The following CDC42EP5 variants were observed in gnomAD, a reference collection of about 807,000 sequenced individuals.
The protein encoded by CDC42EP5 is CDC42 effector protein (Rho GTPase binding) 5.
For missense variants in CDC42EP5, 269 were observed against 238.0 expected (o/e 1.13, Z -0.86); for synonymous variants, 118 against 123.3 (o/e 0.96, Z 0.28).
intron 2 of CDC42EP5, among the ~76,000 whole-genome samples, chr19:54,468,935 T>TCCTTCCTTC (rs2084797294): frequency 2.5e-5 from 1 of 39,340 alleles, no homozygotes; most frequent in African/African-American, 9.1e-5. Flanking sequence ...TTCTTTCTTT[T>TCCTTCCTTC]CTTCCCTCCC....
At chr19:54,470,676 A>G (rs975544916) in intron 2 of CDC42EP5, among the ~76,000 whole-genome samples, 6 of 152,128 alleles carry the variant, frequency 3.9e-5, no homozygotes, top group Non-Finnish European at 5.9e-5. Flanking sequence ...GAACTAATTT[A>G]TTTAATCTTC....
At chr19:54,467,367 C>T (rs565384132) in intron 2 of CDC42EP5, among the ~76,000 whole-genome samples, 2 of 149,582 alleles carry the variant, frequency 1.3e-5, no homozygotes, top group Admixed American at 1.3e-4. Context: ...GCAGGAGAAT[C>T]GCTTGAACTT....
At chr19:54,468,949 C>CTT (rs2084798242) in intron 2 of CDC42EP5, among the ~76,000 whole-genome samples, 1 of 57,238 alleles carries the variant, frequency 1.7e-5, no homozygotes. Context: ...CCCTCCCTCC[C>CTT]TCCTTCCTTC....
Position 54,465,473 on chromosome 19 carries a change from C to T in CDC42EP5, c.75G>A (p.Ala25=), listed in dbSNP as rs1225204589. Residue 25 remains alanine, a synonymous_variant, in exon 3 of 3, where the codon GCG becomes GCA. Transcript: ENST00000301200. ...RPDRGALSIS[A]PLGDFRHTLH... is the part of the protein sequence containing the mutation. ...GCGTGTGCCGGAAGTCGCCGAGCGG[C>T]GCGGAGATGGACAGGGCGCCGCGAT... 1 of 1,526,836 alleles carries T rather than the reference C, an allele frequency of 6.5e-7. No individual in the cohort carries two copies. The highest frequency in any genetic ancestry group is 8.7e-7 in the Non-Finnish European group (1 of 1,149,266). The allele number at this position is 1,526,836 out of a possible 1,614,324, so 94.6% of individuals were successfully genotyped here.
intron 2 of CDC42EP5, among the ~76,000 whole-genome samples, chr19:54,470,177 G>A (rs892347653): frequency 6.6e-6 from 1 of 152,028 alleles, no homozygotes; most frequent in African/African-American, 2.4e-5. Context: ...AGACCAGAAT[G>A]CGCAACAAAG....
chr19:54,465,486 A>G lies in CDC42EP5; in HGVS notation c.62T>C (p.Leu21Pro). 1 of 1,533,696 alleles carries G rather than the reference A, an allele frequency of 6.5e-7. No homozygotes were observed. Among genetic ancestry groups the G allele is most frequent in the Non-Finnish European group, 8.7e-7 (1 of 1,152,862 alleles). Residue 21 changes from leucine to proline, a missense_variant, in exon 3 of 3, where the codon CTG (leucine) becomes CCG (proline). Leu to Pro is a moderately conservative substitution (Grantham distance 98). Transcript: ENST00000301200. ...QPKKRPDRGA[L>P]SISAPLGDFR... is the part of the protein sequence containing the mutation. ...GTCGCCGAGCGGCGCGGAGATGGAC[A>G]GGGCGCCGCGATCAGGCCGCTTCTT...
Position 54,465,440 on chromosome 19 carries a change from C to G in CDC42EP5, c.108G>C (p.Val36=), listed in dbSNP as rs780977544. Residue 36 remains valine (V), a synonymous_variant, in exon 3 of 3, where the codon GTG becomes GTC. Transcript: ENST00000301200. ...CCCCGAAGGCGTCGCCGCCGCGCCC[C>G]ACGTGCAGCGTGTGCCGGAAGTCGC... is the stretch of plus-strand genomic sequence containing the variant. The part of the protein sequence containing the change: ...PLGDFRHTLH[V]GRGGDAFGDT... The G allele has an allele frequency of 1.3e-6, 2 of 1,505,702 alleles. No individual in the cohort carries two copies. The highest frequency in any genetic ancestry group is 1.8e-6 in the Non-Finnish European group (2 of 1,138,108). The allele number at this position is 1,505,702 out of a possible 1,614,324, so 93.3% of individuals were successfully genotyped here. A position where few individuals can be genotyped will look rare whatever the true frequency, so the allele number is the denominator to read the frequency against.
chr19:54,468,908 C>CTTCCTTCT (rs1462995956), intron 2 of CDC42EP5, among the ~76,000 whole-genome samples: 1 of 82,778 alleles, frequency 1.2e-5, no homozygotes, highest in African/African-American at 3.2e-5. Flanking sequence ...TCCTTCCTTC[C>CTTCCTTCT]TTCCTTCCTT....
chr19:54,465,357 G>T lies in CDC42EP5; in HGVS notation c.191C>A (p.Pro64His). 1.7e-6 allele frequency: 2 copies of T among 1,154,946 alleles called. No individual in the cohort carries two copies. The highest frequency in any genetic ancestry group is 4.8e-5 in the Admixed American group (1 of 20,968). The allele number at this position is 1,154,946 out of a possible 1,614,324, so 71.5% of individuals were successfully genotyped here. A position where few individuals can be genotyped will look rare whatever the true frequency, so the allele number is the denominator to read the frequency against. Residue 64 changes from proline (P) to histidine (H), a missense_variant, in exon 3 of 3, where the codon CCC becomes CAC. Transcript: ENST00000301200. Reference sequence around the variant, plus strand: ...CGGCGGGGAGCGCGGGGCCCCCGCGGGGGGCGCCCGGGGCTCGGGGGGCGG... The same window carrying T: ...CGGCGGGGAGCGCGGGGCCCCCGCGTGGGGCGCCCGGGGCTCGGGGGGCGG... ...GGPPPEPRAP[P>H]AGAPRSPPPP...
At chr19:54,472,663 C>T (rs1378855168) in intron 1 of CDC42EP5, among the ~76,000 whole-genome samples, 1 of 38,666 alleles carries the variant, frequency 2.6e-5, no homozygotes, top group African/African-American at 1.4e-4. Context: ...AGGCCCCCAT[C>T]CCCTCCTCCC....
intron 2 of CDC42EP5, among the ~76,000 whole-genome samples, chr19:54,470,096 C>T (rs986977391): frequency 3.9e-5 from 6 of 152,094 alleles, no homozygotes; most frequent in African/African-American, 7.2e-5. Context: ...GGCTGGGCGC[C>T]GTGGCTCACA....
At position 54,465,166 on chromosome 19, in the gene CDC42EP5, G is replaced by A. The variant is rs758004780; in HGVS notation, c.382C>T (p.Gln128Ter). ...KPDAEPRPGT[Q>*]PPQARCRPNA... The stretch of plus-strand genomic sequence containing the variant: ...GGGCGGCAGCGGGCCTGGGGGGGCT[G>A]CGTCCCGGGGCGGGGTTCCGCGTCG... Residue 128 changes from glutamine to a stop codon, truncating the protein, a stop_gained, in exon 3 of 3, where the codon CAG (glutamine) becomes TAG (stop). Coordinates refer to ENST00000301200, the MANE Select transcript of CDC42EP5 (RefSeq NM_145057.4). LOFTEE classifies it high-confidence loss of function. 3 of 1,409,142 alleles carry A rather than the reference G, an allele frequency of 2.1e-6. No individual in the cohort carries two copies. The highest frequency in any genetic ancestry group is 1.5e-5 in the South Asian group (1 of 64,934). The allele number at this position is 1,409,142 out of a possible 1,614,324, so 87.3% of individuals were successfully genotyped here.
At chr19:54,471,209 T>A (rs2084831105) in intron 2 of CDC42EP5, among the ~76,000 whole-genome samples, 1 of 151,722 alleles carries the variant, frequency 6.6e-6, no homozygotes, top group African/African-American at 2.4e-5. Flanking sequence ...GGGCCGCGCG[T>A]TCTCCCCCCG....
At chr19:54,466,312 G>A (rs1191993535) in intron 2 of CDC42EP5, among the ~76,000 whole-genome samples, 1 of 152,056 alleles carries the variant, frequency 6.6e-6, no homozygotes, top group African/African-American at 2.4e-5. Flanking sequence ...GCATGGTGGC[G>A]CATGCCTGTA....
intron 2 of CDC42EP5, among the ~76,000 whole-genome samples, chr19:54,468,717 A>ATT (rs34177319): frequency 2.2e-5 from 3 of 138,066 alleles, no homozygotes; most frequent in Admixed American, 7.3e-5. Flanking sequence ...TTATTTTTGT[A>ATT]TTTTTTTTTT....
Position 54,465,457 on chromosome 19 carries a change from G to A in CDC42EP5, c.91C>T (p.Arg31Trp), listed in dbSNP as rs2084740686. 4 of 1,516,798 alleles carry A rather than the reference G, an allele frequency of 2.6e-6. No individual in the cohort carries two copies. The highest frequency in any genetic ancestry group is 1.2e-5 in the South Asian group (1 of 82,242). 94.0% of individuals were successfully genotyped at this position (1,516,798 alleles called of 1,614,324 possible). A position where few individuals can be genotyped will look rare whatever the true frequency, so the allele number is the denominator to read the frequency against. Residue 31 changes from arginine to tryptophan, a missense_variant, in exon 3 of 3, where the codon CGG (arginine) becomes TGG (tryptophan). Coordinates refer to ENST00000301200, the MANE Select transcript of CDC42EP5 (RefSeq NM_145057.4). ...CCGCGCCCCACGTGCAGCGTGTGCC[G>A]GAAGTCGCCGAGCGGCGCGGAGATG... ...LSISAPLGDF[R>W]HTLHVGRGGD...
At chr19:54,471,352 A>G (rs2084833694) in intron 2 of CDC42EP5, among the ~76,000 whole-genome samples, 193 bp downstream of exon 2, 1 of 151,684 alleles carries the variant, frequency 6.6e-6, no homozygotes, top group Non-Finnish European at 1.5e-5. Flanking sequence ...CCCACTCTAG[A>G]TCCGGCCCAA....
intron 2 of CDC42EP5, among the ~76,000 whole-genome samples, chr19:54,471,132 G>A (rs967035710): frequency 1.3e-5 from 2 of 152,204 alleles, no homozygotes; most frequent in African/African-American, 2.4e-5. Context: ...GGACAGAGGG[G>A]CTGTTGTTTG....
intron 2 of CDC42EP5, among the ~76,000 whole-genome samples, chr19:54,466,847 G>A (rs958019026): frequency 6.6e-6 from 1 of 151,788 alleles, no homozygotes; most frequent in African/African-American, 2.4e-5. Flanking sequence ...ATTTATATAA[G>A]AGACTTAAAC....
Sources: gnomAD v4.1 joint callset for allele counts (sites outside exome capture counted in the v4.1 genomes callset) on GRCh38, gnomAD v4.1.1 for gene constraint, MANE v1.5 for transcripts, NCBI Gene and HGNC (gene_info 2026-07-23, HGNC 2026-07-21) for gene names.